Variants in CCNG1 observed in about 807,000 individuals in gnomAD.
CCNG1 encodes the protein cyclin G1.
Under a neutral mutation model 30.0 loss-of-function variants are expected in CCNG1, and 13 were observed. The ratio of observed to expected loss-of-function variants is 0.43; its 90% CI spans 0.28 to 0.69. The LOEUF is 0.69. Ranked by LOEUF, CCNG1 falls within the 30% of genes least tolerant of loss-of-function variation. The pLI is 0.16. For missense variants in CCNG1, 285 were observed against 331.4 expected (o/e 0.86, Z 1.09); for synonymous variants, 110 against 121.5 (o/e 0.91, Z 0.62).
chr5:163,446,144 C>T (rs1758032813), downstream of CCNG1: 1 of 152,124 alleles, frequency 6.6e-6, no homozygotes, highest in Non-Finnish European at 1.5e-5. Context: ...TAAAAGAAGC[C>T]TCCTTTTATA....
At chr5:163,455,132 G>A in the CCNG1 span, among the ~76,000 whole-genome samples, 1 of 150,934 alleles carries the variant, frequency 6.6e-6, no homozygotes, top group African/African-American at 2.4e-5. Flanking sequence ...GTTAAAAGTT[G>A]GTAAGTGACA....
At chr5:163,449,728 A>C (rs1384548642), downstream of CCNG1, 1 of 152,232 alleles carries the variant, frequency 6.6e-6, no homozygotes. Flanking sequence ...AAACACATAG[A>C]TCGATGGAAT....
chr5:163,445,809 G>A (rs900556824), downstream of CCNG1: 2 of 151,884 alleles, frequency 1.3e-5, no homozygotes, highest in Non-Finnish European at 2.9e-5. Context: ...TGTTTAATGT[G>A]TATTAAAAGT....
chr5:163,446,134 T>C (rs1758032443), downstream of CCNG1: 1 of 152,222 alleles, frequency 6.6e-6, no homozygotes, highest in African/African-American at 2.4e-5. Context: ...AAGTTGTTCA[T>C]AAAAGAAGCC....
the CCNG1 span, chr5:163,457,198 C>A: frequency 3.3e-5 from 35 of 1,066,326 alleles, no homozygotes; most frequent in Non-Finnish European, 3.3e-5. Flanking sequence ...GCGGCTTGAT[C>A]TCGGCTCACT....
the CCNG1 span, chr5:163,457,088 A>C: frequency 4.6e-5 from 73 of 1,589,554 alleles, no homozygotes; most frequent in Non-Finnish European, 5.9e-5. Context: ...CCTCTAAAAA[A>C]AAAACACACA....
intron 6 of CCNG1, among the ~76,000 whole-genome samples, chr5:163,443,011 TAAAAG>T (rs1757896152): frequency 6.6e-6 from 1 of 152,094 alleles, no homozygotes; most frequent in East Asian, 1.9e-4. Flanking sequence ...ATATTGTACT[TAAAAG>T]AAAAAAAAGT....
Position 163,441,960 on chromosome 5 carries a change from C to G in CCNG1, c.593C>G (p.Ala198Gly). The G allele has an allele frequency of 6.2e-7, 1 of 1,605,042 alleles. No individual in the cohort carries two copies. The highest frequency in any genetic ancestry group is 2.2e-5 in the East Asian group (1 of 44,716). The change falls in exon 4 of 7, where the codon GCA becomes GGA. Residue 198 changes from alanine (A) to glycine (G), a missense_variant. Physicochemically the swap from Ala to Gly is moderately conservative, Grantham distance 60 (BLOSUM62 0). Transcript: ENST00000340828. ...ACHCRIIFSK[A>G]KPSVLALSII... is the part of the protein sequence containing the mutation. ...CATTGCAGGATCATATTTTCTAAAG[C>G]AAAGGTAAATATTTTATAAAGATTA... is the stretch of plus-strand genomic sequence containing the variant.
chr5:163,456,282 C>T, the CCNG1 span, among the ~76,000 whole-genome samples: 1 of 152,132 alleles, frequency 6.6e-6, no homozygotes, highest in African/African-American at 2.4e-5. Context: ...TATCTTAGAA[C>T]ACTTGAGTAG....
chr5:163,456,312 C>A, the CCNG1 span, among the ~76,000 whole-genome samples: 1 of 152,146 alleles, frequency 6.6e-6, no homozygotes, highest in Non-Finnish European at 1.5e-5. Context: ...GATGAAAGCA[C>A]AGCTTTCTTT....
At chr5:163,453,984 A>G in the CCNG1 span, 1 of 1,540,316 alleles carries the variant, frequency 6.5e-7, no homozygotes, top group South Asian at 1.3e-5. Flanking sequence ...TCAAGGTTTG[A>G]GAAATCTGGT....
the CCNG1 span, chr5:163,457,613 GA>G: frequency 6.3e-7 from 1 of 1,576,604 alleles, no homozygotes; most frequent in Non-Finnish European, 8.7e-7. Flanking sequence ...AGTTTGCCCT[GA>G]AAAATAAACA....
chr5:163,443,321 A>G (rs1421882651), intron 6 of CCNG1, among the ~76,000 whole-genome samples: 3 of 151,924 alleles, frequency 2.0e-5, no homozygotes, highest in Non-Finnish European at 2.9e-5. Flanking sequence ...CAAAAAAAAA[A>G]AAAAAAAGAA....
chr5:163,441,089 G>T lies in CCNG1; in HGVS notation c.276G>T (p.Lys92Asn). The change falls in exon 3 of 7, where the codon AAG becomes AAT. Residue 92 changes from lysine (K) to asparagine (N), a missense_variant. Coordinates refer to ENST00000340828, the MANE Select transcript of CCNG1 (RefSeq NM_004060.4). ...TTTTGATTTTTTAGGTACAGCCCAAGCACCTTGGGTGTGTTGGACTGAGCT... is the reference window on the plus strand; with the variant it reads ...TTTTGATTTTTTAGGTACAGCCCAATCACCTTGGGTGTGTTGGACTGAGCT... ...RFLSKMKVQP[K>N]HLGCVGLSCF... 1 of 1,613,560 alleles carries T rather than the reference G, an allele frequency of 6.2e-7. No homozygotes were observed. The highest frequency in any genetic ancestry group is 8.5e-7 in the Non-Finnish European group (1 of 1,179,720).
chr5:163,442,600 G>A (rs752293307), intron 6 of CCNG1, 32 bp downstream of exon 6: 9 of 1,503,340 alleles, frequency 6.0e-6, no homozygotes, highest in South Asian at 1.2e-5. Context: ...TCTCCAGATA[G>A]AGAACATTTT....
chr5:163,442,338 T>G (rs764623073), intron 5 of CCNG1, 36 bp from the exon 6 acceptor site: 10 of 1,487,594 alleles, frequency 6.7e-6, no homozygotes, highest in Non-Finnish European at 8.2e-6. Flanking sequence ...GGGACTTACT[T>G]GGAGTAATAA....
At chr5:163,454,086 C>G in the CCNG1 span, 1 of 1,143,740 alleles carries the variant, frequency 8.7e-7, no homozygotes, top group Non-Finnish European at 1.2e-6. Flanking sequence ...TGAAATAAAA[C>G]TTATAAGGAA....
the CCNG1 span, chr5:163,457,225 G>C: frequency 2.0e-5 from 16 of 794,222 alleles, no homozygotes; most frequent in Non-Finnish European, 3.0e-5. Flanking sequence ...TCCGCCCCCC[G>C]GGTTCAAGTG....
Position 163,440,913 on chromosome 5 carries a change from C to CTA in CCNG1, c.265-162_265-161dup, listed in dbSNP as rs910104353. Among the ~76,000 whole-genome samples the CTA allele has an allele frequency of 3.0e-4, 46 of 152,128 alleles. 1 individual carries two copies. The highest frequency in any genetic ancestry group is 1.5e-5 in the Non-Finnish European group (1 of 67,998). ...AAGTGGGGTCCATAGTGTTGACAGGCTATAGTTTAGGTATGAGTGGATTGT... is the reference window on the plus strand; with the variant it reads ...AAGTGGGGTCCATAGTGTTGACAGGCTATATAGTTTAGGTATGAGTGGATTGT... On this transcript the variant is annotated intron_variant, in intron 2 of 6. Coordinates refer to ENST00000340828, the MANE Select transcript of CCNG1 (RefSeq NM_004060.4).
Sources: gnomAD v4.1 joint callset for allele counts (sites outside exome capture counted in the v4.1 genomes callset) on GRCh38, gnomAD v4.1.1 for gene constraint, MANE v1.5 for transcripts, NCBI Gene and HGNC (gene_info 2026-07-23, HGNC 2026-07-21) for gene names.